PPFIA2: variants seen among roughly 807,000 people sequenced by gnomAD.
The protein encoded by PPFIA2 is PPFI scaffold protein A2, also known as liprin-alpha-2.
Under a neutral mutation model 175.5 loss-of-function variants are expected in PPFIA2, and 46 were observed. That is an observed-to-expected ratio of 0.26 (90% confidence interval 0.21 to 0.34). The LOEUF is 0.34. PPFIA2 is among the 10% of genes least tolerant of loss of function. The probability of loss-of-function intolerance (pLI) is 1.00; values close to 1 mark genes in which losing one functional copy is unlikely to be tolerated. For missense variants in PPFIA2, 1,179 were observed against 1,506.1 expected, an observed-to-expected ratio of 0.78 and a Z score of 3.60; for synonymous variants, 568 against 511.4, an observed-to-expected ratio of 1.11 and a Z score of -1.49.
At chr12:81,657,364 A>G (rs1019989453) in intron 4 of PPFIA2, among the ~76,000 whole-genome samples, 2 of 152,206 alleles carry the variant, frequency 1.3e-5, no homozygotes, top group East Asian at 1.9e-4. Context: ...AAAGAGATAG[A>G]ATGCAGTACC....
At chr12:81,608,846 T>C (rs1328571345) in intron 4 of PPFIA2, among the ~76,000 whole-genome samples, 2 of 152,006 alleles carry the variant, frequency 1.3e-5, no homozygotes, top group African/African-American at 4.8e-5. Flanking sequence ...GTTGGTTTCT[T>C]CTTTTTATTT....
intron 4 of PPFIA2, among the ~76,000 whole-genome samples, chr12:81,508,765 T>A (rs1452728270): frequency 1.8e-5 from 1 of 54,430 alleles, no homozygotes; most frequent in African/African-American, 7.5e-5. Flanking sequence ...CCCTCCCCCC[T>A]CCCCCCACCC....
intron 9 of PPFIA2, among the ~76,000 whole-genome samples, chr12:81,377,785 A>C (rs1203490041): frequency 6.6e-6 from 1 of 152,092 alleles, no homozygotes. Context: ...TGAGCTACAA[A>C]GCCTGGAATA....
chr12:81,289,081 C>A (rs1015386946), intron 24 of PPFIA2, among the ~76,000 whole-genome samples: 20 of 151,658 alleles, frequency 1.3e-4, no homozygotes, highest in African/African-American at 4.6e-4. Context: ...ATTAGTTTTG[C>A]CCATTTGTGA....
intron 3 of PPFIA2, among the ~76,000 whole-genome samples, chr12:81,679,052 A>C (rs1156429626): frequency 6.6e-6 from 1 of 151,932 alleles, no homozygotes; most frequent in Non-Finnish European, 1.5e-5. Context: ...CACATGTATA[A>C]ATTGACAAGG....
At chr12:81,451,807 G>T (rs1488319541) in intron 5 of PPFIA2, among the ~76,000 whole-genome samples, 1 of 151,960 alleles carries the variant, frequency 6.6e-6, no homozygotes, top group Non-Finnish European at 1.5e-5. Flanking sequence ...GTTCTCATCT[G>T]GCATATATAT....
intron 4 of PPFIA2, among the ~76,000 whole-genome samples, chr12:81,588,663 A>G (rs2075612823): frequency 6.6e-6 from 1 of 152,102 alleles, no homozygotes; most frequent in Non-Finnish European, 1.5e-5. Flanking sequence ...TTTGCCTCTT[A>G]TAATATTCAG....
intron 7 of PPFIA2, among the ~76,000 whole-genome samples, chr12:81,429,700 A>G (rs2144391473): frequency 6.6e-6 from 1 of 152,210 alleles, no homozygotes; most frequent in South Asian, 2.1e-4. Context: ...AAAGCAATCA[A>G]AGACAACTTT....
At chr12:81,414,400 T>C (rs917921838) in intron 7 of PPFIA2, among the ~76,000 whole-genome samples, 17 of 151,740 alleles carry the variant, frequency 1.1e-4, no homozygotes, top group Non-Finnish European at 7.4e-5. Context: ...ACCTTACTGA[T>C]TATTTTCATT....
chr12:81,699,459 T>C (rs2076256261), intron 3 of PPFIA2, among the ~76,000 whole-genome samples: 1 of 151,748 alleles, frequency 6.6e-6, no homozygotes, highest in Non-Finnish European at 1.5e-5. Flanking sequence ...ACCAAAATTA[T>C]GTAGTGGTAA....
chr12:81,584,670 C>A (rs1468696191), intron 4 of PPFIA2, among the ~76,000 whole-genome samples: 1 of 149,930 alleles, frequency 6.7e-6, no homozygotes, highest in East Asian at 2.0e-4. Flanking sequence ...ACCTGTACAG[C>A]ATGCTACTGT....
At chr12:81,536,501 A>C in intron 4 of PPFIA2, among the ~76,000 whole-genome samples, 1 of 151,394 alleles carries the variant, frequency 6.6e-6, no homozygotes, top group East Asian at 1.9e-4. Flanking sequence ...TTTATTACAG[A>C]AAATTAAAAA....
At chr12:81,275,080 C>T (rs2040173822) in intron 28 of PPFIA2, among the ~76,000 whole-genome samples, 1 of 152,160 alleles carries the variant, frequency 6.6e-6, no homozygotes, top group Non-Finnish European at 1.5e-5. Context: ...AGTGGTATCC[C>T]ATGGGTAAAA....
At chr12:81,370,422 G>A (rs187123992) in intron 11 of PPFIA2, among the ~76,000 whole-genome samples, 64 of 151,906 alleles carry the variant, frequency 4.2e-4, no homozygotes, top group Non-Finnish European at 7.7e-4. Context: ...TATTGGTCTA[G>A]AATTTAATGG....
chr12:81,627,037 C>A lies in PPFIA2; in HGVS notation c.303+49754G>T, dbSNP rs562979217. Among the ~76,000 whole-genome samples, 93 of 152,064 alleles carry A rather than the reference C, an allele frequency of 6.1e-4. 2 individuals carry two copies. The highest frequency in any genetic ancestry group is 6.8e-3 in the Middle Eastern group (2 of 294). On this transcript the variant is annotated intron_variant, in intron 4 of 32. Coordinates refer to ENST00000549396, the MANE Select transcript of PPFIA2 (RefSeq NM_003625.5). ...GGTATTATCAATGATTATGCAAGGT[C>A]TCAAAATCCATGACTATCTTTAAAA...
intron 7 of PPFIA2, 87 bp from the exon 8 acceptor site, chr12:81,405,990 A>T (rs1333918438): frequency 1.9e-5 from 12 of 638,428 alleles, no homozygotes; most frequent in Non-Finnish European, 2.7e-5. Context: ...GTGGTTAAGA[A>T]CTAATGAACA....
Position 81,642,672 on chromosome 12 carries a change from C to CATGTAT in PPFIA2, c.303+34113_303+34118dup, listed in dbSNP as rs1286971797. 2.8e-4 allele frequency among the ~76,000 whole-genome samples: 18 copies of CATGTAT among 64,852 alleles called. 4 individuals are homozygous for CATGTAT. In the East Asian group the frequency reaches 5.0e-3, roughly 18 times the overall value. The allele number at this position is 64,852 out of a possible 152,430, so 42.5% of individuals were successfully genotyped here. ...CATGTATGTATCTATTATATACATACATGTATGTATCTATTATATACATAC... is the reference window on the plus strand; with the variant it reads ...CATGTATGTATCTATTATATACATACATGTATATGTATGTATCTATTATATACATAC... On this transcript the variant is annotated intron_variant, in intron 4 of 32. Transcript: ENST00000549396.
intron 4 of PPFIA2, among the ~76,000 whole-genome samples, chr12:81,657,239 G>A (rs1020984960): frequency 1.3e-5 from 2 of 152,144 alleles, no homozygotes; most frequent in African/African-American, 2.4e-5. Context: ...GAGGGGAAAG[G>A]GAAGAATCCC....
At chr12:81,355,904 T>C (rs560421856) in intron 16 of PPFIA2, among the ~76,000 whole-genome samples, 2 of 152,208 alleles carry the variant, frequency 1.3e-5, no homozygotes, top group Non-Finnish European at 2.9e-5. Flanking sequence ...ACGTTCTCCA[T>C]AGCAGCAGTA....
Sources: allele counts gnomAD v4.1 joint callset (sites outside exome capture counted in the v4.1 genomes callset), GRCh38; gene constraint gnomAD v4.1.1; transcripts MANE v1.5; gene names NCBI Gene and HGNC (gene_info 2026-07-23, HGNC 2026-07-21).